The following ZNF93 variants were observed in gnomAD, a reference collection of about 807,000 sequenced individuals.
ZNF93 encodes zinc finger protein 93, also known as zinc finger protein 505.
Under a neutral mutation model 45.0 loss-of-function variants are expected in ZNF93, and 29 were observed. The observed-to-expected ratio is 0.64, with a 90% CI of 0.48 to 0.88. The LOEUF is 0.88. ZNF93 is among the 40% of genes least tolerant of loss of function. The pLI is 0.00. For missense variants in ZNF93, 578 were observed against 724.0 expected (o/e 0.80, Z 2.31); for synonymous variants, 223 against 244.6 (o/e 0.91, Z 0.82).
intron 1 of ZNF93, among the ~76,000 whole-genome samples, chr19:19,903,472 A>C (rs2063282646): frequency 6.6e-6 from 1 of 152,098 alleles, no homozygotes; most frequent in South Asian, 2.1e-4. Flanking sequence ...CCGGTGGCTT[A>C]TGCCTTTGGG....
chr19:19,933,280 G>A lies in ZNF93; in HGVS notation c.325G>A (p.Gly109Arg). 6.2e-7 allele frequency: 1 copy of A among 1,611,852 alleles called. No individual in the cohort carries two copies. The highest frequency in any genetic ancestry group is 1.3e-5 in the African/African-American group (1 of 74,968). The change falls in exon 4 of 4, where the codon GGA becomes AGA. Residue 109 changes from glycine to arginine, a missense_variant. Gly to Arg is a moderately radical substitution (Grantham distance 125). Transcript: ENST00000343769. ...ILRRYEKRGHGNLQLIKRCES... is the reference protein window; with the variant it reads ...ILRRYEKRGHRNLQLIKRCES... ...GAGAAGATATGAAAAACGTGGACAT[G>A]GAAATTTACAGTTAATAAAAAGGTG...
At chr19:19,917,736 A>C (rs1171424234) in intron 3 of ZNF93, among the ~76,000 whole-genome samples, 1 of 152,064 alleles carries the variant, frequency 6.6e-6, no homozygotes, top group Non-Finnish European at 1.5e-5. Context: ...GAGTGGTCTC[A>C]AACTCCCAAC....
In ZNF93 at chr19:19,933,397, G is replaced by T. The variant is rs571256213; in HGVS notation, c.442G>T (p.Asp148Tyr). The change falls in exon 4 of 4, where the codon GAT becomes TAT. Residue 148 changes from aspartate (D) to tyrosine (Y), a missense_variant. Around this residue, in one of 3 missense-constraint regions of ZNF93, gnomAD observed 446 missense variants for 547.6 expected, o/e 0.81. Transcript: ENST00000343769. ...TACCCAGAGCAAAGTATTTCAATGT[G>T]ATAAATATGGGAAAGTCTTTCATAA... ...TTTQSKVFQC[D>Y]KYGKVFHKFS... 6.3e-7 allele frequency: 1 copy of T among 1,595,984 alleles called. No homozygotes were observed. The highest frequency in any genetic ancestry group is 2.2e-5 in the East Asian group (1 of 44,738).
chr19:19,914,398 G>T (rs1487242559), intron 1 of ZNF93, among the ~76,000 whole-genome samples: 1 of 152,096 alleles, frequency 6.6e-6, no homozygotes, highest in Non-Finnish European at 1.5e-5. Flanking sequence ...ACTGTATTTT[G>T]GAGTTTGCAT....
chr19:19,931,391 A>G (rs1268139588), intron 3 of ZNF93, among the ~76,000 whole-genome samples: 2 of 152,036 alleles, frequency 1.3e-5, no homozygotes, highest in Admixed American at 1.3e-4. Context: ...GGATTTCACT[A>G]TGATGGCCAG....
Position 19,904,059 on chromosome 19 carries a change from G to GA in ZNF93, c.3+2985dup, listed in dbSNP as rs34703441. On this transcript the variant is annotated intron_variant, in intron 1 of 3. Coordinates refer to ENST00000343769, the MANE Select transcript of ZNF93 (RefSeq NM_031218.4). Reference sequence around the variant, plus strand: ...GGGCAACAGAGCGAGATTCTGGCTGGAAAAAAAAAAAAAAAAAGAAATATT... The same window carrying GA: ...GGGCAACAGAGCGAGATTCTGGCTGGAAAAAAAAAAAAAAAAAAGAAATATT... 7.4e-3 allele frequency among the ~76,000 whole-genome samples: 845 copies of GA among 113,910 alleles called. 11 individuals carry two copies. Among genetic ancestry groups the GA allele is most frequent in the African/African-American group, 0.019 (606 of 32,084 alleles). 74.7% of individuals were successfully genotyped at this position (113,910 alleles called of 152,430 possible).
rs764000020 is a variant in ZNF93 at position 19,915,421 on chromosome 19, A to G, written c.130+15A>G. 1.2e-6 allele frequency: 2 copies of G among 1,609,680 alleles called. No individual in the cohort carries two copies. The highest frequency in any genetic ancestry group is 3.4e-5 in the Admixed American group (2 of 58,982). ...GGTCTTCCTTGGTGAGGATAACTTTAATACATAATTCATAATACACCCTAA... is the reference window on the plus strand; with the variant it reads ...GGTCTTCCTTGGTGAGGATAACTTTGATACATAATTCATAATACACCCTAA... On this transcript the variant is annotated intron_variant, in intron 2 of 3. Transcript: ENST00000343769.
chr19:19,916,535 A>G (rs1429497507), intron 2 of ZNF93, 25 bp from the exon 3 acceptor site: 11 of 1,582,110 alleles, frequency 7.0e-6, no homozygotes, highest in African/African-American at 1.3e-5. Flanking sequence ...AGCAAGATTC[A>G]TGTTATTTAT....
intron 1 of ZNF93, among the ~76,000 whole-genome samples, chr19:19,914,985 G>A (rs573890882): frequency 6.6e-6 from 1 of 152,096 alleles, no homozygotes; most frequent in Non-Finnish European, 1.5e-5. Context: ...ATCTCATTCT[G>A]TATGATGTAA....
At chr19:19,928,015 A>G (rs931929913) in intron 3 of ZNF93, among the ~76,000 whole-genome samples, 4 of 152,196 alleles carry the variant, frequency 2.6e-5, no homozygotes, top group African/African-American at 4.8e-5. Context: ...CCCAGTTGCT[A>G]GGATTACAGG....
At chr19:19,929,236 C>G (rs558992197) in intron 3 of ZNF93, among the ~76,000 whole-genome samples, 1 of 152,274 alleles carries the variant, frequency 6.6e-6, no homozygotes, top group South Asian at 2.1e-4. Flanking sequence ...AAATCCTCAC[C>G]AGAAGCAGAT....
chr19:19,929,661 G>A (rs190402591), intron 3 of ZNF93, among the ~76,000 whole-genome samples: 30 of 152,268 alleles, frequency 2.0e-4, no homozygotes, highest in African/African-American at 7.0e-4. Flanking sequence ...TTGTAGGGCC[G>A]GGCGTGGTGG....
chr19:19,905,385 G>A (rs2063289599), intron 1 of ZNF93, among the ~76,000 whole-genome samples: 1 of 152,046 alleles, frequency 6.6e-6, no homozygotes, highest in African/African-American at 2.4e-5. Context: ...CCCTCAACTA[G>A]GCCTCAGTGT....
intron 1 of ZNF93, 115 bp downstream of exon 1, chr19:19,901,206 AG>A: frequency 1.3e-6 from 2 of 1,541,168 alleles, no homozygotes; most frequent in Admixed American, 3.4e-5. Context: ...TCTGCGCCGG[AG>A]TTCTTGCCCA....
intron 1 of ZNF93, among the ~76,000 whole-genome samples, chr19:19,902,458 A>G (rs60948789): frequency 0.19 from 28,766 of 151,550 alleles, 5,634 homozygotes; most frequent in African/African-American, 0.5. Context: ...GGTTTTCTCC[A>G]TGTTGGTCAG....
chr19:19,935,024 GT>G lies in ZNF93; in HGVS notation c.*207del. ...CTTGGCCTTTACTACGGTACCTGAA[GT>G]GGTTCAATGACTCAGTTTCAGTTAC... On this transcript the variant is annotated 3_prime_UTR_variant, in exon 4 of 4. Transcript: ENST00000343769. 5.5e-6 allele frequency: 3 copies of G among 549,166 alleles called. No homozygotes were observed. In the South Asian group the frequency reaches 8.8e-5, roughly 16 times the overall value. 34.0% of individuals were successfully genotyped at this position (549,166 alleles called of 1,614,324 possible).
chr19:19,932,963 T>C, intron 3 of ZNF93: 1 of 335,920 alleles, frequency 3.0e-6, no homozygotes, highest in Non-Finnish European at 5.3e-6. Flanking sequence ...TGTTTGTTTT[T>C]GAGATGGAGT....
chr19:19,932,137 G>A (rs1280999346), intron 3 of ZNF93: 1 of 215,650 alleles, frequency 4.6e-6, no homozygotes, highest in Admixed American at 5.8e-5. Context: ...GCCAGGCATG[G>A]TGGCCCATGC....
At chr19:19,927,545 G>T (rs1291385039) in intron 3 of ZNF93, among the ~76,000 whole-genome samples, 1 of 152,070 alleles carries the variant, frequency 6.6e-6, no homozygotes, top group Non-Finnish European at 1.5e-5. Context: ...GACTACTTAA[G>T]ATATCTCATA....
Sources: allele counts gnomAD v4.1 joint callset (sites outside exome capture counted in the v4.1 genomes callset), GRCh38; gene constraint gnomAD v4.1.1; regional missense constraint gnomAD v4.1.1; transcripts MANE v1.5; gene names NCBI Gene and HGNC (gene_info 2026-07-23, HGNC 2026-07-21).